The following POLQ variants were observed in gnomAD, a reference collection of about 807,000 sequenced individuals.
The protein encoded by POLQ is epididymis secretory sperm binding protein.
A neutral mutation model predicts 259.2 loss-of-function variants in POLQ; 233 were observed. That is an observed-to-expected ratio of 0.90 (90% CI 0.81 to 1.00). The LOEUF is 1.00. POLQ is among the 50% of genes least tolerant of loss of function. The probability of loss-of-function intolerance (pLI) is 0.00; values close to 1 mark genes in which losing one functional copy is unlikely to be tolerated. For synonymous variants in POLQ, 1,025 were observed against 1,048.8 expected (o/e 0.98, Z 0.44); for missense variants, 2,871 against 3,051.6 (o/e 0.94, Z 1.39).
intron 2 of POLQ, among the ~76,000 whole-genome samples, chr3:121,543,992 A>G (rs1014674422): frequency 6.6e-6 from 1 of 152,012 alleles, no homozygotes; most frequent in Non-Finnish European, 1.5e-5. Flanking sequence ...CAAAAAAAAA[A>G]AAGAAAACCC....
intron 22 of POLQ, among the ~76,000 whole-genome samples, chr3:121,470,708 T>A (rs535717808): frequency 3.3e-5 from 5 of 152,300 alleles, no homozygotes; most frequent in Non-Finnish European, 7.4e-5. Flanking sequence ...TCTCCGAGGC[T>A]CAAGCAATCC....
intron 14 of POLQ, chr3:121,494,340 C>T: frequency 6.3e-7 from 1 of 1,597,836 alleles, no homozygotes; most frequent in Non-Finnish European, 8.5e-7. Flanking sequence ...AAAGTGCCTC[C>T]TGCGATTAAC....
At chr3:121,544,468 G>T (rs1401260984) in intron 2 of POLQ, among the ~76,000 whole-genome samples, 2 of 152,206 alleles carry the variant, frequency 1.3e-5, no homozygotes, top group Non-Finnish European at 2.9e-5. Flanking sequence ...TGGGATATAT[G>T]TTTGTTGAGA....
chr3:121,451,604 A>G (rs552678440), intron 25 of POLQ, among the ~76,000 whole-genome samples: 2 of 152,310 alleles, frequency 1.3e-5, no homozygotes, highest in South Asian at 4.1e-4. Flanking sequence ...AGAACAGTGA[A>G]TATTGCTGAC....
At chr3:121,452,627 C>G (rs1207001365) in intron 25 of POLQ, among the ~76,000 whole-genome samples, 1 of 151,942 alleles carries the variant, frequency 6.6e-6, no homozygotes, top group Non-Finnish European at 1.5e-5. Context: ...ATGCAGGAGT[C>G]TATTAAATAG....
intron 26 of POLQ, among the ~76,000 whole-genome samples, chr3:121,447,121 A>AT (rs1371333441): frequency 3.1e-5 from 4 of 129,480 alleles, no homozygotes; most frequent in Non-Finnish European, 5.0e-5. Context: ...TCTGTTGTAT[A>AT]TTTTTTTATT....
chr3:121,538,987 G>C (rs2108821029), intron 4 of POLQ, among the ~76,000 whole-genome samples: 1 of 152,232 alleles, frequency 6.6e-6, no homozygotes, highest in Admixed American at 6.5e-5. Context: ...AGCTCAAATA[G>C]AGTGTCAGTT....
At chr3:121,541,087 G>A (rs1414740872) in intron 3 of POLQ, among the ~76,000 whole-genome samples, 1 of 151,956 alleles carries the variant, frequency 6.6e-6, no homozygotes, top group Admixed American at 6.6e-5. Context: ...CCCCATGTTG[G>A]CCAGGCTGGT....
chr3:121,513,678 C>T (rs963663156), intron 9 of POLQ, among the ~76,000 whole-genome samples: 1 of 151,458 alleles, frequency 6.6e-6, no homozygotes, highest in Non-Finnish European at 1.5e-5. Context: ...TACTACCCCC[C>T]TCCCCAGAAG....
rs538835400 is a variant in POLQ, at chr3:121,542,079, T to C, written c.344-600A>G. Among the ~76,000 whole-genome samples the C allele has an allele frequency of 2.4e-3, 352 of 149,042 alleles. 1 individual carries two copies. Among genetic ancestry groups the C allele is most frequent in the Admixed American group, 3.4e-3 (51 of 14,810 alleles). ...TGATCCTGGGAGGCAGAGGTTGCAG[T>C]GAGCCGAGATCACCCCACTGCACTC... On this transcript the variant is annotated intron_variant, in intron 2 of 29. Coordinates refer to ENST00000264233, the MANE Select transcript of POLQ (RefSeq NM_199420.4).
chr3:121,498,069 G>C (rs2048138031), intron 13 of POLQ, among the ~76,000 whole-genome samples: 1 of 152,138 alleles, frequency 6.6e-6, no homozygotes, highest in South Asian at 2.1e-4. Context: ...CCAGCACTTT[G>C]GGAGGCGGAG....
At chr3:121,525,626 T>C (rs536102607) in intron 7 of POLQ, among the ~76,000 whole-genome samples, 1 of 152,304 alleles carries the variant, frequency 6.6e-6, no homozygotes, top group South Asian at 2.1e-4. Flanking sequence ...CCTTTCGCCA[T>C]TTGCTGTCGT....
chr3:121,446,226 A>ATTTTTGTATAC (rs1412565944), intron 26 of POLQ, among the ~76,000 whole-genome samples: 1 of 151,638 alleles, frequency 6.6e-6, no homozygotes, highest in Non-Finnish European at 1.5e-5. Context: ...ATATTGTTTA[A>ATTTTTGTATAC]TTTCCATGTT....
chr3:121,509,930 C>A (rs762220847), intron 11 of POLQ, 109 bp downstream of exon 11: 41 of 999,020 alleles, frequency 4.1e-5, no homozygotes, highest in Non-Finnish European at 6.0e-5. Context: ...CTCAAAAAAT[C>A]AAATTCCTTT....
At chr3:121,493,803 CT>C in intron 14 of POLQ, 82 bp from the exon 15 acceptor site, 1 of 1,361,990 alleles carries the variant, frequency 7.3e-7, no homozygotes, top group Non-Finnish European at 1.0e-6. Flanking sequence ...TTTATATTTT[CT>C]TTTGTTTTTT....
At chr3:121,437,880 A>C (rs1310860443) in intron 27 of POLQ, among the ~76,000 whole-genome samples, 6 of 152,228 alleles carry the variant, frequency 3.9e-5, no homozygotes, top group Admixed American at 3.9e-4. Flanking sequence ...TTTTGATAGA[A>C]GCTAGATACA....
intron 11 of POLQ, 87 bp downstream of exon 11, chr3:121,509,952 A>T: frequency 8.9e-7 from 1 of 1,120,294 alleles, no homozygotes; most frequent in Non-Finnish European, 1.3e-6. Context: ...ATACTACATG[A>T]AAAGACAATT....
chr3:121,498,412 T>C lies in POLQ; in HGVS notation c.2153+65A>G. On this transcript the variant is annotated intron_variant, in intron 13 of 29. Transcript: ENST00000264233. Reference sequence around the variant, plus strand: ...GACAATGAAAGTGACTACAATAAACTGGGCGTCTACTACATGCAAGACACT... The same window carrying C: ...GACAATGAAAGTGACTACAATAAACCGGGCGTCTACTACATGCAAGACACT... The C allele has an allele frequency of 3.7e-6, 4 of 1,091,148 alleles. No individual in the cohort carries two copies. The South Asian group carries it at 7.1e-5, about 19-fold the overall frequency. The allele number at this position is 1,091,148 out of a possible 1,614,324, so 67.6% of individuals were successfully genotyped here.
intron 20 of POLQ, among the ~76,000 whole-genome samples, chr3:121,475,843 T>G (rs2047920806): frequency 6.6e-6 from 1 of 152,196 alleles, no homozygotes; most frequent in African/African-American, 2.4e-5. Flanking sequence ...CCAAACCTAC[T>G]TGTGCTGAAA....
Sources: allele counts gnomAD v4.1 joint callset (sites outside exome capture counted in the v4.1 genomes callset), GRCh38; gene constraint gnomAD v4.1.1; transcripts MANE v1.5; gene names NCBI Gene and HGNC (gene_info 2026-07-23, HGNC 2026-07-21).